RB1: variants seen among roughly 807,000 people sequenced by gnomAD.
The protein encoded by RB1 is RB transcriptional corepressor 1, also known as retinoblastoma-associated protein.
Under a neutral mutation model 135.4 loss-of-function variants are expected in RB1, and 18 were observed. The ratio of observed to expected loss-of-function variants is 0.13; its 90% CI spans 0.09 to 0.20. The LOEUF (loss-of-function observed/expected upper bound fraction) is 0.20, where lower values mean the gene tolerates loss of function less well. Among genes scored for constraint, RB1 ranks in the 10% least tolerant of loss-of-function variants. The pLI, the probability that RB1 is intolerant of heterozygous loss-of-function variation, is 1.00. For synonymous variants in RB1, 365 were observed against 373.2 expected (o/e 0.98, Z 0.25); for missense variants, 868 against 1,110.0 (o/e 0.78, Z 3.10).
chr13:48,379,128 G>A (rs1948508699), intron 13 of RB1, among the ~76,000 whole-genome samples: 1 of 152,130 alleles, frequency 6.6e-6, no homozygotes, highest in Admixed American at 6.5e-5. Flanking sequence ...CCTAGGTCAT[G>A]AGAAATGTTA....
chr13:48,394,155 G>T (rs1399294950), intron 17 of RB1, among the ~76,000 whole-genome samples: 1 of 152,138 alleles, frequency 6.6e-6, no homozygotes, highest in Non-Finnish European at 1.5e-5. Context: ...AGGGGTTGGG[G>T]AACTCCCTCC....
At chr13:48,441,173 G>A (rs1235552550) in intron 17 of RB1, among the ~76,000 whole-genome samples, 2 of 152,176 alleles carry the variant, frequency 1.3e-5, no homozygotes, top group Non-Finnish European at 2.9e-5. Flanking sequence ...GATATCTGGC[G>A]GAGGCCTGTT....
At chr13:48,456,112 A>G (rs1016620865) in intron 18 of RB1, 92 bp from the exon 19 acceptor site, 45 of 1,569,408 alleles carry the variant, frequency 2.9e-5, no homozygotes, top group Non-Finnish European at 3.5e-5. Context: ...TAAATAGACA[A>G]GATGTATCTG....
At chr13:48,474,602 C>G (rs935198693) in intron 24 of RB1, among the ~76,000 whole-genome samples, 1 of 152,156 alleles carries the variant, frequency 6.6e-6, no homozygotes, top group Non-Finnish European at 1.5e-5. Flanking sequence ...GCCTACTGGT[C>G]TCCTTCCATA....
intron 17 of RB1, among the ~76,000 whole-genome samples, chr13:48,434,833 GT>G: frequency 6.6e-6 from 1 of 152,128 alleles, no homozygotes; most frequent in Middle Eastern, 3.4e-3. Context: ...AACAGGATTA[GT>G]TTTTTTTCTC....
intron 17 of RB1, among the ~76,000 whole-genome samples, chr13:48,420,876 G>T (rs1948994881): frequency 6.6e-6 from 1 of 152,122 alleles, no homozygotes. Flanking sequence ...ACTGCTCAAG[G>T]AAATAAAGAG....
At chr13:48,391,538 T>G (rs1948610721) in intron 17 of RB1, 1 of 152,188 alleles carries the variant, frequency 6.6e-6, no homozygotes, top group South Asian at 2.1e-4. Context: ...GAGGATCTCT[T>G]GAAGCCAGGA....
intron 17 of RB1, among the ~76,000 whole-genome samples, chr13:48,409,895 AG>A (rs2138194626): frequency 6.6e-6 from 1 of 152,266 alleles, no homozygotes; most frequent in African/African-American, 2.4e-5. Context: ...TTTTTAAAAA[AG>A]GAATATGTTG....
rs1593539364 is a variant in RB1, at chr13:48,465,212, C to T, written c.2333C>T (p.Thr778Ile). 1.4e-5 allele frequency: 22 copies of T among 1,613,982 alleles called. No homozygotes were observed. Among genetic ancestry groups the T allele is most frequent in the Non-Finnish European group, 1.7e-5 (20 of 1,179,926 alleles). ...TTTTTGTTTTTGCTCTAGCCCCCTACCTTGTCACCAATACCTCACATTCCT... is the reference window on the plus strand; with the variant it reads ...TTTTTGTTTTTGCTCTAGCCCCCTATCTTGTCACCAATACCTCACATTCCT... ...ILQYASTRPPTLSPIPHIPRS... is the reference protein window; with the variant it reads ...ILQYASTRPPILSPIPHIPRS... Residue 778 changes from threonine to isoleucine, a missense_variant, in exon 23 of 27, where the codon ACC becomes ATC. Thr to Ile is a moderately conservative substitution (Grantham distance 89). Transcript: ENST00000267163.
At chr13:48,443,940 C>A (rs1254574740) in intron 17 of RB1, among the ~76,000 whole-genome samples, 1 of 152,164 alleles carries the variant, frequency 6.6e-6, no homozygotes, top group African/African-American at 2.4e-5. Context: ...CTTCTGCTCT[C>A]ATACCACCAC....
intron 18 of RB1, among the ~76,000 whole-genome samples, chr13:48,455,075 G>C (rs1949351841): frequency 6.6e-6 from 1 of 152,154 alleles, no homozygotes; most frequent in African/African-American, 2.4e-5. Flanking sequence ...AGGTGACTTG[G>C]TCTAAGGTAT....
chr13:48,307,319 A>T lies in RB1; in HGVS notation c.177A>T (p.Ala59=), dbSNP rs189574280. 6.2e-6 allele frequency: 10 copies of T among 1,610,138 alleles called. No homozygotes were observed. The Admixed American group carries it at 6.7e-5, about 11-fold the overall frequency. The change falls in exon 2 of 27, where the codon GCA becomes GCT. Residue 59 remains alanine, a synonymous_variant. Transcript: ENST00000267163. ...FEETEEPDFT[A]LCQKLKIPDH... ...AAACAGAAGAACCTGATTTTACTGCATTATGTCAGAAATTAAAGATACCAG... is the reference window on the plus strand; with the variant it reads ...AAACAGAAGAACCTGATTTTACTGCTTTATGTCAGAAATTAAAGATACCAG...
At chr13:48,377,605 T>C (rs1332952812) in intron 13 of RB1, among the ~76,000 whole-genome samples, 1 of 152,156 alleles carries the variant, frequency 6.6e-6, no homozygotes, top group African/African-American at 2.4e-5. Context: ...CAAAAATATA[T>C]TGGAAAACTG....
intron 7 of RB1, among the ~76,000 whole-genome samples, chr13:48,361,286 G>T (rs937588161): frequency 6.6e-6 from 1 of 152,056 alleles, no homozygotes; most frequent in African/African-American, 2.4e-5. Context: ...CTGTTAAAGA[G>T]CAATCAGCAT....
intron 7 of RB1, among the ~76,000 whole-genome samples, chr13:48,362,073 G>C (rs1295522402): frequency 6.6e-6 from 1 of 150,878 alleles, no homozygotes; most frequent in Non-Finnish European, 1.5e-5. Flanking sequence ...TCAGCCTCCC[G>C]AGTAGCTGGG....
At chr13:48,464,958 C>CTATTTTTTTT in intron 21 of RB1, 40 bp from the exon 22 acceptor site, 1 of 831,616 alleles carries the variant, frequency 1.2e-6, no homozygotes, top group Admixed American at 4.3e-5. Flanking sequence ...GTAAATTTTA[C>CTATTTTTTTT]TTTTTTTTTT....
intron 17 of RB1, among the ~76,000 whole-genome samples, chr13:48,425,612 G>A (rs975337103): frequency 2.6e-5 from 4 of 152,124 alleles, no homozygotes; most frequent in African/African-American, 9.7e-5. Flanking sequence ...CACCTACTCA[G>A]GAGGCAGAGG....
At chr13:48,433,836 C>G (rs1221015520) in intron 17 of RB1, among the ~76,000 whole-genome samples, 1 of 151,884 alleles carries the variant, frequency 6.6e-6, no homozygotes, top group African/African-American at 2.4e-5. Context: ...TGAGAAGAAG[C>G]ATATCTTACA....
At chr13:48,405,630 C>G (rs979477215) in intron 17 of RB1, among the ~76,000 whole-genome samples, 2 of 152,138 alleles carry the variant, frequency 1.3e-5, no homozygotes, top group Non-Finnish European at 2.9e-5. Context: ...AAAGTAGAGC[C>G]TGCAAACCGA....
Sources: gnomAD v4.1 joint callset for allele counts (sites outside exome capture counted in the v4.1 genomes callset) on GRCh38, gnomAD v4.1.1 for gene constraint, MANE v1.5 for transcripts, NCBI Gene and HGNC (gene_info 2026-07-23, HGNC 2026-07-21) for gene names.